Variants in EIF1B observed in about 807,000 individuals in gnomAD.
EIF1B encodes the protein eukaryotic translation initiation factor 1B, also known as protein translation factor SUI1 homolog GC20.
A neutral mutation model predicts 14.8 loss-of-function variants in EIF1B; 5 were observed. The ratio of observed to expected loss-of-function variants is 0.34; its 90% CI spans 0.18 to 0.71. The LOEUF (loss-of-function observed/expected upper bound fraction) is 0.71, where lower values mean the gene tolerates loss of function less well. Among genes scored for constraint, EIF1B ranks in the 30% least tolerant of loss-of-function variants. EIF1B has a pLI of 0.64. For synonymous variants in EIF1B, 45 were observed against 45.8 expected (o/e 0.98, Z 0.07); for missense variants, 56 against 134.0 (o/e 0.42, Z 2.87).
At position 40,311,225 on chromosome 3, in the gene EIF1B, A is replaced by G. The variant is rs1575707687; in HGVS notation, c.195+169A>G. On this transcript the variant is annotated intron_variant, in intron 2 of 3. Transcript: ENST00000232905. ...AGTTATTCTCCCAGTGTGGTCTCTC[A>G]TTTTAAAAGAAGATTCGCGTTGCTT... 15 of 671,872 alleles carry G rather than the reference A, an allele frequency of 2.2e-5. No individual in the cohort carries two copies. The East Asian group carries it at 4.4e-4, about 20-fold the overall frequency. The allele number at this position is 671,872 out of a possible 1,614,324, so 41.6% of individuals were successfully genotyped here. A position where few individuals can be genotyped will look rare whatever the true frequency, so the allele number is the denominator to read the frequency against.
intron 1 of EIF1B, chr3:40,310,511 G>T: frequency 5.3e-6 from 1 of 189,434 alleles, no homozygotes; most frequent in Non-Finnish European, 1.1e-5. Flanking sequence ...ACGGTTAAAT[G>T]ATTAAGGTGG....
At chr3:40,311,882 T>C in intron 3 of EIF1B, 88 bp from the exon 4 acceptor site, 2 of 1,054,264 alleles carry the variant, frequency 1.9e-6, no homozygotes, top group Non-Finnish European at 2.9e-6. Flanking sequence ...CTGTTGATAG[T>C]GATTCTTTTT....
chr3:40,309,737 G>T lies in EIF1B; in HGVS notation c.-205G>T, dbSNP rs1050515252. The T allele has an allele frequency of 1.7e-6, 1 of 585,486 alleles. No individual in the cohort carries two copies. Among genetic ancestry groups the T allele is most frequent in the Non-Finnish European group, 3.0e-6 (1 of 333,462 alleles). 36.3% of individuals were successfully genotyped at this position (585,486 alleles called of 1,614,324 possible). ...GCCGCAGCGCCGCCTCTTCTCTCGCGCCCTCGCCTCTTCCTCCGCCTCCTC... is the reference window on the plus strand; with the variant it reads ...GCCGCAGCGCCGCCTCTTCTCTCGCTCCCTCGCCTCTTCCTCCGCCTCCTC... On this transcript the variant is annotated 5_prime_UTR_variant, in exon 1 of 4. Transcript: ENST00000232905.
intron 2 of EIF1B, 185 bp downstream of exon 2, chr3:40,311,241 C>A: frequency 1.6e-6 from 1 of 624,580 alleles, no homozygotes; most frequent in Non-Finnish European, 2.6e-6. Flanking sequence ...AAAGAAGATT[C>A]GCGTTGCTTT....
At position 40,312,163 on chromosome 3, in the gene EIF1B, A is replaced by C; in HGVS notation, c.*149A>C. 1.5e-6 allele frequency: 1 copy of C among 646,096 alleles called. No individual in the cohort carries two copies. The highest frequency in any genetic ancestry group is 2.7e-6 in the Non-Finnish European group (1 of 364,126). 40.0% of individuals were successfully genotyped at this position (646,096 alleles called of 1,614,324 possible). A position where few individuals can be genotyped will look rare whatever the true frequency, so the allele number is the denominator to read the frequency against. On this transcript the variant is annotated 3_prime_UTR_variant, in exon 4 of 4. Coordinates refer to ENST00000232905, the MANE Select transcript of EIF1B (RefSeq NM_005875.3). ...ATTCACATCTGCATGATTACAGAAA[A>C]CATGGGGTATGTAGACTAGTAACAC... is the stretch of plus-strand genomic sequence containing the variant.
Position 40,311,539 on chromosome 3 carries a change from C to T in EIF1B, c.265C>T (p.Gln89Ter). The change falls in exon 3 of 4, where the codon CAA becomes TAA. Residue 89 changes from glutamine (Q) to a stop codon, truncating the protein, a stop_gained. Transcript: ENST00000232905. LOFTEE classifies it high-confidence loss of function. ...AGAGGTTATTCAGCTTCAAGGTGAC[C>T]AAAGAAAAAACATCTGCCAGTTTCT... ...YGEVIQLQGDQRKNICQFLLE... is the reference protein window; with the variant it reads ...YGEVIQLQGD 6.2e-7 allele frequency: 1 copy of T among 1,613,342 alleles called. No individual in the cohort carries two copies. Among genetic ancestry groups the T allele is most frequent in the South Asian group, 1.1e-5 (1 of 90,976 alleles).
rs1281810822 is a variant in EIF1B at position 40,311,020 on chromosome 3, T to C, written c.159T>C (p.Asp53=). The change falls in exon 2 of 4, where the codon GAT becomes GAC. Residue 53 remains aspartate (D), a synonymous_variant. Coordinates refer to ENST00000232905, the MANE Select transcript of EIF1B (RefSeq NM_005875.3). ...TLTTVQGIAD[D]YDKKKLVKAF... ...CTACTGTTCAGGGCATTGCAGATGA[T>C]TATGACAAAAAGAAACTTGTGAAAG... is the stretch of plus-strand genomic sequence containing the variant. 1 of 1,613,590 alleles carries C rather than the reference T, an allele frequency of 6.2e-7. No homozygotes were observed. The highest frequency in any genetic ancestry group is 1.1e-5 in the South Asian group (1 of 91,034).
At chr3:40,311,668 C>A (rs1413398976) in intron 3 of EIF1B, 97 bp downstream of exon 3, 1 of 982,920 alleles carries the variant, frequency 1.0e-6, no homozygotes, top group Non-Finnish European at 1.6e-6. Context: ...AAAAATCATA[C>A]GAATGAAGGA....
chr3:40,310,101 G>A, intron 1 of EIF1B, 129 bp downstream of exon 1: 1 of 1,325,724 alleles, frequency 7.5e-7, no homozygotes, highest in Non-Finnish European at 1.0e-6. Flanking sequence ...TTGTCTCGGC[G>A]CCCAGAAAAT....
In EIF1B at chr3:40,309,991, C is replaced by A. The variant is rs1954304231; in HGVS notation, c.31+19C>A. 1.2e-6 allele frequency: 2 copies of A among 1,613,498 alleles called. No individual in the cohort carries two copies. The highest frequency in any genetic ancestry group is 2.2e-5 in the South Asian group (2 of 91,082). Reference sequence around the variant, plus strand: ...TCTTTCGGTAAGATCCCGTCGCCGCCGCCTCCCTCCCTTGCCCGGCGCGCA... The same window carrying A: ...TCTTTCGGTAAGATCCCGTCGCCGCAGCCTCCCTCCCTTGCCCGGCGCGCA... On this transcript the variant is annotated intron_variant, in intron 1 of 3. Coordinates refer to ENST00000232905, the MANE Select transcript of EIF1B (RefSeq NM_005875.3).
rs1954331805 is a variant in EIF1B, at chr3:40,312,023, T to G, written c.*9T>G. The G allele has an allele frequency of 1.9e-6, 3 of 1,602,402 alleles. No individual in the cohort carries two copies. The highest frequency in any genetic ancestry group is 2.6e-6 in the Non-Finnish European group (3 of 1,170,586). On this transcript the variant is annotated 3_prime_UTR_variant, in exon 4 of 4. Coordinates refer to ENST00000232905, the MANE Select transcript of EIF1B (RefSeq NM_005875.3). The stretch of plus-strand genomic sequence containing the variant: ...AGGTTCATGGATTCTAAAATGAACC[T>G]AAATACGTGGAGAATTTCTTGAATA...
At position 40,309,783 on chromosome 3, in the gene EIF1B, T is replaced by A; in HGVS notation, c.-159T>A. The A allele has an allele frequency of 1.2e-6, 1 of 802,952 alleles. No individual in the cohort carries two copies. The highest frequency in any genetic ancestry group is 1.7e-5 in the South Asian group (1 of 60,242). The allele number at this position is 802,952 out of a possible 1,614,324, so 49.7% of individuals were successfully genotyped here. On this transcript the variant is annotated 5_prime_UTR_variant, in exon 1 of 4. Coordinates refer to ENST00000232905, the MANE Select transcript of EIF1B (RefSeq NM_005875.3). ...TCCTCCTTCGCCTCTTCCTGCCTCC[T>A]CCCGGCTTCCGCCGCCGCCACTCCA...
chr3:40,309,774 C>A lies in EIF1B; in HGVS notation c.-168C>A. ...TCCTCCGCCTCCTCCTTCGCCTCTT[C>A]CTGCCTCCTCCCGGCTTCCGCCGCC... On this transcript the variant is annotated 5_prime_UTR_variant, in exon 1 of 4. Transcript: ENST00000232905. 1.4e-6 allele frequency: 1 copy of A among 732,006 alleles called. No homozygotes were observed. Among genetic ancestry groups the A allele is most frequent in the Non-Finnish European group, 2.3e-6 (1 of 438,646 alleles). The allele number at this position is 732,006 out of a possible 1,614,324, so 45.3% of individuals were successfully genotyped here.
Position 40,309,829 on chromosome 3 carries a change from C to G in EIF1B, c.-113C>G, listed in dbSNP as rs986688060. ...CTCCAGCCTAATCCCAACCCCAGGG[C>G]GAAGCGTTTTCTTATTTATTTCCGT... is the stretch of plus-strand genomic sequence containing the variant. On this transcript the variant is annotated 5_prime_UTR_variant, in exon 1 of 4. Transcript: ENST00000232905. 1.1e-5 allele frequency: 15 copies of G among 1,327,976 alleles called. No individual in the cohort carries two copies. In the Admixed American group the frequency reaches 1.9e-4, roughly 17 times the overall value. 82.3% of individuals were successfully genotyped at this position (1,327,976 alleles called of 1,614,324 possible).
intron 2 of EIF1B, 163 bp downstream of exon 2, chr3:40,311,219 T>G: frequency 1.4e-6 from 1 of 691,566 alleles, no homozygotes; most frequent in Non-Finnish European, 2.3e-6. Context: ...CCCAGTGTGG[T>G]CTCTCATTTT....
Position 40,312,271 on chromosome 3 carries a change from G to T in EIF1B, c.*257G>T. 4 of 410,176 alleles carry T rather than the reference G, an allele frequency of 9.8e-6. No individual in the cohort carries two copies. Among genetic ancestry groups the T allele is most frequent in the South Asian group, 3.9e-5 (1 of 25,804 alleles). The allele number at this position is 410,176 out of a possible 1,614,324, so 25.4% of individuals were successfully genotyped here. On this transcript the variant is annotated 3_prime_UTR_variant, in exon 4 of 4. Transcript: ENST00000232905. Reference sequence around the variant, plus strand: ...ATGGAAAATGTTTTGAGTGTTTATTGTTCAGTTTATTACGTTTCACTTGAT... The same window carrying T: ...ATGGAAAATGTTTTGAGTGTTTATTTTTCAGTTTATTACGTTTCACTTGAT...
intron 3 of EIF1B, 98 bp downstream of exon 3, chr3:40,311,669 G>C (rs1002083067): frequency 1.0e-6 from 1 of 982,102 alleles, no homozygotes. Context: ...AAAATCATAC[G>C]AATGAAGGAA....
At chr3:40,311,753 A>T (rs1954329039) in intron 3 of EIF1B, 182 bp downstream of exon 3, 1 of 660,792 alleles carries the variant, frequency 1.5e-6, no homozygotes, top group Non-Finnish European at 2.6e-6. Flanking sequence ...TCATTAGAGT[A>T]TTCTGATCAT....
chr3:40,312,298 A>AC lies in EIF1B; in HGVS notation c.*284_*285insC, dbSNP rs1447825975. The AC allele has an allele frequency of 3.1e-5, 6 of 192,900 alleles. No individual in the cohort carries two copies. Among genetic ancestry groups the AC allele is most frequent in the Middle Eastern group, 1.0e-3 (1 of 964 alleles). The allele number at this position is 192,900 out of a possible 1,614,324, so 11.9% of individuals were successfully genotyped here. ...TCAGTTTATTACGTTTCACTTGATT[A>AC]AATTTTTTTGTTGTTGTATTAAACC... On this transcript the variant is annotated 3_prime_UTR_variant, in exon 4 of 4. Coordinates refer to ENST00000232905, the MANE Select transcript of EIF1B (RefSeq NM_005875.3).
Sources: gnomAD v4.1 joint callset for allele counts on GRCh38, gnomAD v4.1.1 for gene constraint, MANE v1.5 for transcripts, NCBI Gene and HGNC (gene_info 2026-07-23, HGNC 2026-07-21) for gene names.